The following FRK variants were observed in gnomAD, a reference collection of about 807,000 sequenced individuals.
FRK encodes fyn related Src family tyrosine kinase.
In FRK, 51 loss-of-function variants were observed where a neutral mutation model predicts 56.4. The observed-to-expected ratio is 0.90, with a 90% CI of 0.72 to 1.14. The LOEUF (loss-of-function observed/expected upper bound fraction) is 1.14, where lower values mean the gene tolerates loss of function less well. FRK is among the 50% of genes most tolerant of loss of function. The pLI, the probability that FRK is intolerant of heterozygous loss-of-function variation, is 0.00. For missense variants in FRK, 570 were observed against 601.4 expected, an observed-to-expected ratio of 0.95 and a Z score of 0.55; for synonymous variants, 245 against 217.9, an observed-to-expected ratio of 1.12 and a Z score of -1.10.
chr6:116,066,334 G>C, the FRK span, among the ~76,000 whole-genome samples: 3 of 152,114 alleles, frequency 2.0e-5, 1 homozygote, highest in East Asian at 1.9e-4. Context: ...TTTGAGACTC[G>C]GACTGGCTCT....
intron 4 of FRK, among the ~76,000 whole-genome samples, chr6:115,965,958 C>G (rs1482535004): frequency 9.9e-6 from 1 of 100,836 alleles, no homozygotes; most frequent in Non-Finnish European, 2.0e-5. Context: ...CTAGATGACA[C>G]GTTAGTGGGT....
At chr6:115,946,070 G>T (rs73770682) in intron 5 of FRK, among the ~76,000 whole-genome samples, 2,289 of 152,188 alleles carry the variant, frequency 0.015, 52 homozygotes, top group African/African-American at 0.052. Context: ...GATGTTTTTA[G>T]ATGTCTGGAG....
chr6:115,961,385 T>C lies in FRK; in HGVS notation c.800-4775A>G, dbSNP rs1226365149. Among the ~76,000 whole-genome samples, 85 of 120,354 alleles carry C rather than the reference T, an allele frequency of 7.1e-4. 1 individual carries two copies. The highest frequency in any genetic ancestry group is 2.6e-3 in the African/African-American group (83 of 31,342). 79.0% of individuals were successfully genotyped at this position (120,354 alleles called of 152,430 possible). A position where few individuals can be genotyped will look rare whatever the true frequency, so the allele number is the denominator to read the frequency against. On this transcript the variant is annotated intron_variant, in intron 4 of 7. Transcript: ENST00000606080. The stretch of plus-strand genomic sequence containing the variant: ...AAATGAGCAAAGCCTCCAAGAAATA[T>C]GGGACTATGTGAAAAGACCAAATCT...
the FRK span, among the ~76,000 whole-genome samples, chr6:116,084,157 T>C: frequency 2.6e-5 from 4 of 152,160 alleles, no homozygotes; most frequent in Admixed American, 2.6e-4. Flanking sequence ...ACTCATCGAA[T>C]GGTTATATAT....
At chr6:116,066,951 A>G in the FRK span, among the ~76,000 whole-genome samples, 3 of 152,184 alleles carry the variant, frequency 2.0e-5, no homozygotes, top group African/African-American at 7.2e-5. Flanking sequence ...CTCCAAAAGG[A>G]TATGTTGAAA....
chr6:116,001,056 G>A (rs763878933), intron 2 of FRK, among the ~76,000 whole-genome samples: 2 of 152,034 alleles, frequency 1.3e-5, no homozygotes, highest in Admixed American at 6.5e-5. Context: ...AGGCTAACAC[G>A]GTGAAACCCC....
chr6:116,026,109 G>C (rs900381618), intron 1 of FRK, among the ~76,000 whole-genome samples: 1 of 152,102 alleles, frequency 6.6e-6, no homozygotes, highest in African/African-American at 2.4e-5. Context: ...TAACTCTAGA[G>C]TAATCTACCA....
intron 2 of FRK, among the ~76,000 whole-genome samples, chr6:115,970,722 A>G (rs1773777077): frequency 1.3e-5 from 2 of 151,922 alleles, no homozygotes; most frequent in African/African-American, 2.4e-5. Flanking sequence ...ATGGTGGCAG[A>G]CCCTGTCTCA....
intron 3 of FRK, among the ~76,000 whole-genome samples, chr6:115,967,965 C>T (rs1290309776): frequency 1.3e-5 from 2 of 152,044 alleles, no homozygotes; most frequent in Admixed American, 6.6e-5. Context: ...GATCCCATAC[C>T]TAATGCCATC....
intron 5 of FRK, among the ~76,000 whole-genome samples, chr6:115,955,526 G>T (rs1364375364): frequency 6.6e-6 from 1 of 152,096 alleles, no homozygotes; most frequent in Non-Finnish European, 1.5e-5. Context: ...ATATTTTTCT[G>T]CAAGGAAGCT....
At chr6:115,948,124 G>A (rs1161124520) in intron 5 of FRK, among the ~76,000 whole-genome samples, 1 of 152,188 alleles carries the variant, frequency 6.6e-6, no homozygotes, top group African/African-American at 2.4e-5. Context: ...TCTCCACCCT[G>A]TTGTTCTCTC....
At position 115,942,408 on chromosome 6, in the gene FRK, C is replaced by T; in HGVS notation, c.*6G>A. On this transcript the variant is annotated 3_prime_UTR_variant, in exon 8 of 8. Transcript: ENST00000606080. The stretch of plus-strand genomic sequence containing the variant: ...TACTTTATTATTTGATATTCTTCTC[C>T]AGTGTTCATCTTATGAAGTTATTTG... The T allele has an allele frequency of 6.3e-7, 1 of 1,599,350 alleles. No individual in the cohort carries two copies. Among genetic ancestry groups the T allele is most frequent in the African/African-American group, 1.3e-5 (1 of 74,680 alleles).
At chr6:116,095,205 A>G in the FRK span, among the ~76,000 whole-genome samples, 1 of 152,248 alleles carries the variant, frequency 6.6e-6, no homozygotes, top group Admixed American at 6.5e-5. Context: ...ACAGGACAAT[A>G]GATGGTTCCT....
intron 5 of FRK, among the ~76,000 whole-genome samples, chr6:115,955,762 A>G (rs1037699518): frequency 2.4e-4 from 36 of 152,120 alleles, no homozygotes. Flanking sequence ...CTCCTTTTCA[A>G]GCTCGAATTA....
rs774532729 is a variant in FRK, at chr6:115,944,254, C to G, written c.1130G>C (p.Arg377Thr). ...CAAAACTAAATCCACCTTAAAAACT[C>G]TGGCAAGTCCAAAATCTGCTACTTT... Reference protein sequence around the residue: ...IYKVADFGLARVFKVDNEDIY... With the variant: ...IYKVADFGLATVFKVDNEDIY... Residue 377 changes from arginine (R) to threonine (T), a missense_variant, in exon 6 of 8, where the codon AGA (arginine) becomes ACA (threonine). Arg to Thr is a moderately conservative substitution (Grantham distance 71, BLOSUM62 -1). Coordinates refer to ENST00000606080, the MANE Select transcript of FRK (RefSeq NM_002031.3). The G allele has an allele frequency of 1.2e-6, 2 of 1,605,566 alleles. No homozygotes were observed. The highest frequency in any genetic ancestry group is 3.5e-5 in the Admixed American group (2 of 57,930).
intron 1 of FRK, among the ~76,000 whole-genome samples, chr6:116,014,464 A>T (rs1029532615): frequency 1.3e-5 from 2 of 152,138 alleles, no homozygotes; most frequent in African/African-American, 4.8e-5. Context: ...AGATACAGAA[A>T]TCTAAAAAAA....
intron 2 of FRK, 94 bp downstream of exon 2, chr6:116,003,783 G>T: frequency 7.1e-7 from 1 of 1,415,152 alleles, no homozygotes; most frequent in South Asian, 1.4e-5. Context: ...AAGAAATAAG[G>T]CAAATTTTAA....
chr6:116,099,358 C>G, the FRK span, among the ~76,000 whole-genome samples: 1 of 152,164 alleles, frequency 6.6e-6, no homozygotes, highest in Non-Finnish European at 1.5e-5. Flanking sequence ...CAAGATATTC[C>G]CCAAGGAAAC....
At chr6:116,034,399 T>C (rs775247701) in intron 1 of FRK, among the ~76,000 whole-genome samples, 6 of 152,104 alleles carry the variant, frequency 3.9e-5, no homozygotes, top group Non-Finnish European at 8.8e-5. Context: ...AAAAATAATG[T>C]AGATAACTAA....
Sources: allele counts gnomAD v4.1 joint callset (sites outside exome capture counted in the v4.1 genomes callset), GRCh38; gene constraint gnomAD v4.1.1; transcripts MANE v1.5; gene names NCBI Gene and HGNC (gene_info 2026-07-23, HGNC 2026-07-21).